The following KIF1B variants were observed in gnomAD, a reference collection of about 807,000 sequenced individuals.
The protein encoded by KIF1B is kinesin family member 1B.
KIF1B carries 76 observed loss-of-function variants against 241.9 expected under a neutral mutation model. The ratio of observed to expected loss-of-function variants is 0.31; its 90% CI spans 0.26 to 0.38. The LOEUF (loss-of-function observed/expected upper bound fraction) is 0.38, where lower values mean the gene tolerates loss of function less well. KIF1B is among the 10% of genes least tolerant of loss of function. The pLI is 1.00. For synonymous variants in KIF1B, 750 were observed against 796.7 expected, an observed-to-expected ratio of 0.94 and a Z score of 0.99; for missense variants, 1,622 against 2,271.4, an observed-to-expected ratio of 0.71 and a Z score of 5.81.
At chr1:10,263,516 C>G (rs1401126004) in intron 5 of KIF1B, among the ~76,000 whole-genome samples, 2 of 152,092 alleles carry the variant, frequency 1.3e-5, no homozygotes, top group Non-Finnish European at 2.9e-5. Context: ...TGTAGCCTTA[C>G]AGCATTTCAT....
At position 10,380,917 on chromosome 1, in the gene KIF1B, T is replaced by A; in HGVS notation, c.*4330T>A. 1 of 219,450 alleles carries A rather than the reference T, an allele frequency of 4.6e-6. No individual in the cohort carries two copies. Among genetic ancestry groups the A allele is most frequent in the Non-Finnish European group, 9.2e-6 (1 of 109,108 alleles). The allele number at this position is 219,450 out of a possible 1,614,324, so 13.6% of individuals were successfully genotyped here. A position where few individuals can be genotyped will look rare whatever the true frequency, so the allele number is the denominator to read the frequency against. On this transcript the variant is annotated 3_prime_UTR_variant, in exon 49 of 49. Transcript: ENST00000676179. The stretch of plus-strand genomic sequence containing the variant: ...CAGCTGAGAGATTATTTGCTGCTGT[T>A]ATTCAAAAGGCCATTTATGAAGTTA...
chr1:10,360,308 A>G (rs1309189087), intron 38 of KIF1B, among the ~76,000 whole-genome samples: 1 of 152,106 alleles, frequency 6.6e-6, no homozygotes, highest in Non-Finnish European at 1.5e-5. Flanking sequence ...ATACTCACTT[A>G]TCCATTTCAT....
Position 10,305,688 on chromosome 1 carries a change from A to G in KIF1B, c.2115+8442A>G, listed in dbSNP as rs17034697. 2.2e-3 allele frequency: 2,348 copies of G among 1,057,888 alleles called. 31 individuals carry two copies. The African/African-American group carries it at 0.032, about 15-fold the overall frequency. The allele number at this position is 1,057,888 out of a possible 1,614,324, so 65.5% of individuals were successfully genotyped here. On this transcript the variant is annotated intron_variant, in intron 22 of 48. Transcript: ENST00000676179. ...CATTAGTAATGCTTGTAGACACTCA[A>G]ACAAGGAAGGCGAAGTCCTGATGAT...
At position 10,317,352 on chromosome 1, in the gene KIF1B, C is replaced by A. The variant is rs761851793; in HGVS notation, c.2116-2691C>A. Among the ~76,000 whole-genome samples, 859 of 151,416 alleles carry A rather than the reference C, an allele frequency of 5.7e-3. 10 individuals are homozygous for A. Among genetic ancestry groups the A allele is most frequent in the Admixed American group, 0.011 (169 of 15,260 alleles). On this transcript the variant is annotated intron_variant, in intron 22 of 48. Transcript: ENST00000676179. The stretch of plus-strand genomic sequence containing the variant: ...ATCCTGTGTCCTTTTGAAATGGCCC[C>A]AGTGGTGTTTGAGTTCTTCCATCCT...
chr1:10,293,488 C>T (rs535497617), intron 17 of KIF1B, among the ~76,000 whole-genome samples: 5 of 151,098 alleles, frequency 3.3e-5, no homozygotes, highest in East Asian at 2.0e-4. Context: ...CTCCGCCTCC[C>T]GGGTTCAAGT....
At chr1:10,375,432 T>C in intron 48 of KIF1B, 59 bp downstream of exon 48, 3 of 1,396,962 alleles carry the variant, frequency 2.1e-6, no homozygotes, top group East Asian at 2.3e-5. Context: ...TTTTTCTCCC[T>C]GAAGTGCAGT....
chr1:10,306,496 A>G, intron 22 of KIF1B: 2 of 880,332 alleles, frequency 2.3e-6, no homozygotes, highest in Non-Finnish European at 2.8e-6. Context: ...GTACAGCCCC[A>G]GCTACTTAGG....
At chr1:10,357,098 T>C (rs1638274794) in intron 38 of KIF1B, among the ~76,000 whole-genome samples, 1 of 152,158 alleles carries the variant, frequency 6.6e-6, no homozygotes, top group Admixed American at 6.6e-5. Context: ...CACGCTGGCC[T>C]CAAATTCCTG....
intron 22 of KIF1B, chr1:10,304,138 G>T (rs766623946): frequency 1.5e-5 from 25 of 1,614,018 alleles, no homozygotes; most frequent in Non-Finnish European, 1.8e-5. Flanking sequence ...AGAAGATGAG[G>T]TTATAGAGCT....
At chr1:10,366,979 T>C (rs190763070) in intron 43 of KIF1B, among the ~76,000 whole-genome samples, 14 of 151,852 alleles carry the variant, frequency 9.2e-5, no homozygotes, top group African/African-American at 3.4e-4. Context: ...TCAAAAAATA[T>C]ATATATTTCT....
intron 2 of KIF1B, among the ~76,000 whole-genome samples, chr1:10,233,406 A>T (rs1647006940): frequency 6.6e-6 from 1 of 152,140 alleles, no homozygotes; most frequent in Non-Finnish European, 1.5e-5. Flanking sequence ...ACTTGAGTCC[A>T]GGAGTTGAGG....
chr1:10,322,088 A>G (rs1285426402), intron 24 of KIF1B, among the ~76,000 whole-genome samples: 1 of 152,258 alleles, frequency 6.6e-6, no homozygotes, highest in African/African-American at 2.4e-5. Flanking sequence ...TATTTTACAA[A>G]TAGACTATAT....
In KIF1B at chr1:10,361,650, C is replaced by T. The variant is rs542960285; in HGVS notation, c.4171-42C>T. On this transcript the variant is annotated intron_variant, in intron 39 of 48. Transcript: ENST00000676179. Reference sequence around the variant, plus strand: ...TCGTGTATAGACTCTAGTCACAGTACTCTGCCTGCACTTCATCAGCACCTA... The same window carrying T: ...TCGTGTATAGACTCTAGTCACAGTATTCTGCCTGCACTTCATCAGCACCTA... 1.9e-5 allele frequency: 30 copies of T among 1,611,364 alleles called. 1 individual carries two copies. In the South Asian group the frequency reaches 2.5e-4, roughly 14 times the overall value.
intron 22 of KIF1B, among the ~76,000 whole-genome samples, chr1:10,310,380 G>A (rs1170618865): frequency 6.6e-6 from 1 of 151,546 alleles, no homozygotes; most frequent in South Asian, 2.1e-4. Flanking sequence ...TGGAATGGGG[G>A]CTTGGTAAGC....
intron 2 of KIF1B, among the ~76,000 whole-genome samples, chr1:10,239,151 AAC>A (rs1647098988): frequency 6.6e-6 from 1 of 151,998 alleles, no homozygotes; most frequent in South Asian, 2.1e-4. Context: ...TTCTACAAAA[AAC>A]CATGTTGCCC....
At chr1:10,319,260 G>T (rs1433252555) in intron 22 of KIF1B, among the ~76,000 whole-genome samples, 5 of 151,836 alleles carry the variant, frequency 3.3e-5, no homozygotes, top group Non-Finnish European at 7.4e-5. Context: ...TGCCACCATG[G>T]CCAGCTAATT....
intron 15 of KIF1B, among the ~76,000 whole-genome samples, chr1:10,289,252 G>A (rs1314507327): frequency 1.3e-5 from 2 of 152,012 alleles, no homozygotes; most frequent in Admixed American, 1.3e-4. Flanking sequence ...ATTCACCCAT[G>A]TTACAGAGAC....
chr1:10,279,690 T>A (rs1016216629), intron 14 of KIF1B, among the ~76,000 whole-genome samples: 2 of 920 alleles, frequency 2.2e-3, no homozygotes, highest in African/African-American at 2.4e-3. Flanking sequence ...CGTTTTTTCC[T>A]TTTTTTTTTT....
chr1:10,273,719 A>AC (rs1648933851), intron 10 of KIF1B, among the ~76,000 whole-genome samples: 1 of 117,268 alleles, frequency 8.5e-6, no homozygotes, highest in African/African-American at 2.7e-5. Flanking sequence ...CAAAAAAAAA[A>AC]AAAAAAAAAA....
Sources: gnomAD v4.1 joint callset for allele counts (sites outside exome capture counted in the v4.1 genomes callset) on GRCh38, gnomAD v4.1.1 for gene constraint, MANE v1.5 for transcripts, NCBI Gene and HGNC (gene_info 2026-07-23, HGNC 2026-07-21) for gene names.